TACR3: variants seen among roughly 807,000 people sequenced by gnomAD.
The protein encoded by TACR3 is tachykinin receptor 3, also known as neuromedin-K receptor.
TACR3 carries 34 observed loss-of-function variants against 35.0 expected under a neutral mutation model. That is an observed-to-expected ratio of 0.97 (90% CI 0.74 to 1.30). The LOEUF (loss-of-function observed/expected upper bound fraction) is 1.30, where lower values mean the gene tolerates loss of function less well. Ranked by LOEUF, TACR3 falls within the 50% of genes most tolerant of loss-of-function variation. The pLI is 0.00. For missense variants in TACR3, 558 were observed against 591.7 expected (o/e 0.94, Z 0.59); for synonymous variants, 233 against 221.1 (o/e 1.05, Z -0.48).
At chr4:103,622,045 G>C (rs1266743362) in intron 3 of TACR3, among the ~76,000 whole-genome samples, 2 of 152,140 alleles carry the variant, frequency 1.3e-5, no homozygotes, top group Non-Finnish European at 2.9e-5. Flanking sequence ...GAAGAGGAAT[G>C]GTCTGCAGAG....
Position 103,606,532 on chromosome 4 carries a change from C to T in TACR3, c.889-14849G>A, listed in dbSNP as rs569730955. ...GTGGTTTGTAGTTCTCCTTGAAGAG[C>T]TCCTTCATATCCCTTGTAAGTTGGA... On this transcript the variant is annotated intron_variant, in intron 3 of 4. Transcript: ENST00000304883. Among the ~76,000 whole-genome samples, 422 of 152,058 alleles carry T rather than the reference C, an allele frequency of 2.8e-3. 1 individual carries two copies. Among genetic ancestry groups the T allele is most frequent in the African/African-American group, 9.2e-3 (384 of 41,514 alleles).
At chr4:103,716,242 TG>T (rs2110234197) in intron 1 of TACR3, among the ~76,000 whole-genome samples, 1 of 151,892 alleles carries the variant, frequency 6.6e-6, no homozygotes, top group South Asian at 2.1e-4. Flanking sequence ...TGTGTGTGTG[TG>T]TGTGTGTGTG....
intron 3 of TACR3, among the ~76,000 whole-genome samples, chr4:103,615,441 T>C (rs1203400564): frequency 6.7e-6 from 1 of 150,100 alleles, no homozygotes; most frequent in Non-Finnish European, 1.5e-5. Context: ...GGGAAATGGG[T>C]TTGTTTTGGG....
At chr4:103,636,132 T>C (rs1725182258) in intron 3 of TACR3, among the ~76,000 whole-genome samples, 1 of 152,008 alleles carries the variant, frequency 6.6e-6, no homozygotes, top group Non-Finnish European at 1.5e-5. Flanking sequence ...AAACCATTAA[T>C]TACTCTCAGT....
chr4:103,597,269 T>C (rs1394630700), intron 3 of TACR3, among the ~76,000 whole-genome samples: 1 of 151,896 alleles, frequency 6.6e-6, no homozygotes, highest in African/African-American at 2.4e-5. Context: ...ACCTGTTGTT[T>C]CCTGACTTTT....
chr4:103,654,825 GA>G (rs1417258770), intron 3 of TACR3, among the ~76,000 whole-genome samples: 23 of 152,094 alleles, frequency 1.5e-4, no homozygotes, highest in Admixed American at 5.2e-4. Context: ...ATAGCTATAA[GA>G]AATTATCCCA....
intron 3 of TACR3, among the ~76,000 whole-genome samples, chr4:103,609,012 A>G (rs1328630714): frequency 1.3e-5 from 2 of 152,120 alleles, no homozygotes; most frequent in African/African-American, 4.8e-5. Context: ...ATTTGATTAG[A>G]AAACAGTGTA....
intron 1 of TACR3, among the ~76,000 whole-genome samples, chr4:103,662,221 T>G (rs1339756939): frequency 1.3e-5 from 2 of 150,106 alleles, no homozygotes; most frequent in East Asian, 1.9e-4. Flanking sequence ...GATGGTGTTT[T>G]TTTTTTTTTT....
chr4:103,615,398 T>TGAGA (rs111766715), intron 3 of TACR3, among the ~76,000 whole-genome samples: 1,472 of 117,182 alleles, frequency 0.013, 11 homozygotes, highest in Non-Finnish European at 0.02. Context: ...TGTGTGTGTG[T>TGAGA]GAGAGAGAGA....
intron 1 of TACR3, among the ~76,000 whole-genome samples, chr4:103,709,311 G>A (rs1037774765): frequency 2.6e-5 from 4 of 152,304 alleles, no homozygotes; most frequent in Non-Finnish European, 4.4e-5. Context: ...GGATCTCTTG[G>A]CAGAAACTCT....
chr4:103,594,003 CAAAAG>C (rs1347833717), intron 3 of TACR3, among the ~76,000 whole-genome samples: 4 of 152,090 alleles, frequency 2.6e-5, no homozygotes, highest in Middle Eastern at 3.4e-3. Context: ...GACTATAAAA[CAAAAG>C]AAACTGAAAG....
intron 1 of TACR3, among the ~76,000 whole-genome samples, chr4:103,688,587 A>G (rs1722313924): frequency 6.6e-6 from 1 of 150,458 alleles, no homozygotes; most frequent in Non-Finnish European, 1.5e-5. Flanking sequence ...AAGTGGGCGA[A>G]GGACATGAAC....
At chr4:103,677,550 T>C (rs1380614890) in intron 1 of TACR3, among the ~76,000 whole-genome samples, 1 of 152,154 alleles carries the variant, frequency 6.6e-6, no homozygotes, top group East Asian at 1.9e-4. Context: ...ATTATGTCCT[T>C]TGCAGGGACA....
At chr4:103,643,429 A>AG (rs1209395272) in intron 3 of TACR3, among the ~76,000 whole-genome samples, 13 of 148,752 alleles carry the variant, frequency 8.7e-5, no homozygotes, top group East Asian at 2.0e-4. Flanking sequence ...GTCTAAAAAA[A>AG]AGAGAGAGAG....
At chr4:103,659,325 G>A (rs1725791942) in intron 1 of TACR3, among the ~76,000 whole-genome samples, 1 of 152,150 alleles carries the variant, frequency 6.6e-6, no homozygotes, top group Admixed American at 6.5e-5. Context: ...AATGGAATTG[G>A]AAAAGCACTT....
At chr4:103,628,133 C>T (rs1433956593) in intron 3 of TACR3, among the ~76,000 whole-genome samples, 1 of 152,176 alleles carries the variant, frequency 6.6e-6, no homozygotes, top group African/African-American at 2.4e-5. Flanking sequence ...ATCTCTGGGA[C>T]ACATTTGAAG....
intron 3 of TACR3, 117 bp from the exon 4 acceptor site, chr4:103,591,800 G>T: frequency 1.0e-6 from 1 of 996,594 alleles, no homozygotes; most frequent in Non-Finnish European, 1.5e-6. Context: ...CTAGGGAATA[G>T]TCAATATATT....
intron 3 of TACR3, among the ~76,000 whole-genome samples, chr4:103,644,045 A>T (rs1473472811): frequency 6.6e-6 from 1 of 151,854 alleles, no homozygotes; most frequent in Non-Finnish European, 1.5e-5. Context: ...AAAAAAAATA[A>T]AAACTTTTCT....
chr4:103,598,785 AG>A (rs1272617339), intron 3 of TACR3, among the ~76,000 whole-genome samples: 1 of 152,126 alleles, frequency 6.6e-6, no homozygotes, highest in African/African-American at 2.4e-5. Context: ...ATTATTTCTG[AG>A]GGCTCTGTTC....
Sources: allele counts gnomAD v4.1 joint callset (sites outside exome capture counted in the v4.1 genomes callset), GRCh38; gene constraint gnomAD v4.1.1; transcripts MANE v1.5; gene names NCBI Gene and HGNC (gene_info 2026-07-23, HGNC 2026-07-21).